The following CACNA2D3 variants were observed in gnomAD, a reference collection of about 807,000 sequenced individuals.
CACNA2D3 encodes voltage-dependent calcium channel subunit alpha-2/delta-3.
CACNA2D3 carries 60 observed loss-of-function variants against 160.6 expected under a neutral mutation model. The ratio of observed to expected loss-of-function variants is 0.37; its 90% CI spans 0.30 to 0.46. CACNA2D3 has a LOEUF of 0.46. CACNA2D3 is among the 20% of genes least tolerant of loss of function. CACNA2D3 has a pLI of 1.00. For missense variants in CACNA2D3, 1,205 were observed against 1,365.0 expected (o/e 0.88, Z 1.85); for synonymous variants, 558 against 492.9 (o/e 1.13, Z -1.75).
At chr3:54,927,267 A>G (rs1416102382) in intron 27 of CACNA2D3, among the ~76,000 whole-genome samples, 1 of 152,178 alleles carries the variant, frequency 6.6e-6, no homozygotes, top group African/African-American at 2.4e-5. Flanking sequence ...ATGTTTAGAG[A>G]GCCTTCTGAA....
intron 35 of CACNA2D3, among the ~76,000 whole-genome samples, chr3:55,072,365 T>G (rs1339095972): frequency 6.6e-6 from 1 of 152,162 alleles, no homozygotes; most frequent in Non-Finnish European, 1.5e-5. Context: ...ACATATGAGG[T>G]GGCAACAGGT....
intron 13 of CACNA2D3, among the ~76,000 whole-genome samples, chr3:54,771,653 C>A (rs1445616519): frequency 1.3e-5 from 2 of 152,242 alleles, no homozygotes; most frequent in Non-Finnish European, 2.9e-5. Context: ...AAAAATACAT[C>A]TCTCTGATGC....
intron 27 of CACNA2D3, chr3:54,924,949 C>T (rs1304045154): frequency 1.2e-6 from 2 of 1,611,420 alleles, no homozygotes. Flanking sequence ...TGGAAAGCTC[C>T]AGGGGCCAGA....
chr3:54,823,558 A>C (rs187485599), intron 14 of CACNA2D3, among the ~76,000 whole-genome samples: 1 of 152,328 alleles, frequency 6.6e-6, no homozygotes, highest in African/African-American at 2.4e-5. Context: ...TATAATGAGG[A>C]AAAGAAGAGC....
chr3:54,633,361 G>C (rs1006406293), intron 10 of CACNA2D3, among the ~76,000 whole-genome samples: 1 of 152,144 alleles, frequency 6.6e-6, no homozygotes, highest in African/African-American at 2.4e-5. Flanking sequence ...CTGTGCCTTA[G>C]TTTCCTACCT....
In CACNA2D3 at chr3:54,736,700, A is replaced by C. The variant is rs182790284; in HGVS notation, c.1168-15899A>C. Among the ~76,000 whole-genome samples, 635 of 152,252 alleles carry C rather than the reference A, an allele frequency of 4.2e-3. 6 individuals carry two copies. Among genetic ancestry groups the C allele is most frequent in the African/African-American group, 0.014 (600 of 41,556 alleles). ...CTTTTGTTTATTTGTTTTTGTTGCC[A>C]TGGGTAGTATTCTGGGATCTGCTGG... On this transcript the variant is annotated intron_variant, in intron 11 of 37. Coordinates refer to ENST00000474759, the MANE Select transcript of CACNA2D3 (RefSeq NM_018398.3).
intron 4 of CACNA2D3, among the ~76,000 whole-genome samples, chr3:54,470,258 G>T (rs1700705798): frequency 6.6e-6 from 1 of 152,214 alleles, no homozygotes; most frequent in Non-Finnish European, 1.5e-5. Context: ...TAAGCCAGAA[G>T]AGAGTGGGGG....
At chr3:54,323,694 C>T (rs1704060981) in intron 3 of CACNA2D3, among the ~76,000 whole-genome samples, 1 of 152,172 alleles carries the variant, frequency 6.6e-6, no homozygotes, top group East Asian at 1.9e-4. Context: ...TCTCGATCTC[C>T]TGACCTCGTG....
At chr3:54,131,923 T>G (rs1018702587) in intron 2 of CACNA2D3, among the ~76,000 whole-genome samples, 2 of 152,212 alleles carry the variant, frequency 1.3e-5, no homozygotes, top group Non-Finnish European at 2.9e-5. Context: ...TTTGTACATG[T>G]GCCATCCATA....
chr3:54,562,220 G>A (rs1702337221), intron 5 of CACNA2D3, among the ~76,000 whole-genome samples: 1 of 152,184 alleles, frequency 6.6e-6, no homozygotes, highest in African/African-American at 2.4e-5. Flanking sequence ...AAAGGGTACA[G>A]CAGAAGACCA....
chr3:54,703,514 A>G lies in CACNA2D3; in HGVS notation c.1168-49085A>G, dbSNP rs1288124527. Among the ~76,000 whole-genome samples the G allele has an allele frequency of 2.0e-5, 3 of 152,140 alleles. No individual in the cohort carries two copies. The East Asian group carries it at 5.8e-4, about 29-fold the overall frequency. On this transcript the variant is annotated intron_variant, in intron 11 of 37. Coordinates refer to ENST00000474759, the MANE Select transcript of CACNA2D3 (RefSeq NM_018398.3). ...TTATTCACATGTTTAGTTTTGGACA[A>G]AAGTATTCCTGAAAGCATCTTGCTC... is the stretch of plus-strand genomic sequence containing the variant.
intron 9 of CACNA2D3, 89 bp downstream of exon 9, chr3:54,581,966 T>C: frequency 1.9e-6 from 2 of 1,079,506 alleles, no homozygotes; most frequent in Non-Finnish European, 2.7e-6. Flanking sequence ...TCTTATCAAA[T>C]GCACTGCCCT....
At chr3:54,470,811 CAAAT>C (rs1700716556) in intron 4 of CACNA2D3, among the ~76,000 whole-genome samples, 1 of 152,076 alleles carries the variant, frequency 6.6e-6, no homozygotes, top group African/African-American at 2.4e-5. Flanking sequence ...TCAAAAAAGA[CAAAT>C]AAGGGCATTA....
At chr3:54,856,855 ACTGC>A (rs1699183598) in intron 17 of CACNA2D3, among the ~76,000 whole-genome samples, 1 of 152,158 alleles carries the variant, frequency 6.6e-6, no homozygotes, top group African/African-American at 2.4e-5. Context: ...ATCTCGGCTC[ACTGC>A]ATTCTCCACC....
intron 4 of CACNA2D3, among the ~76,000 whole-genome samples, chr3:54,464,965 A>G (rs1053424875): frequency 6.6e-6 from 1 of 152,016 alleles, no homozygotes; most frequent in African/African-American, 2.4e-5. Context: ...TCCTTTTTGA[A>G]CTTCCATAAT....
Position 54,569,860 on chromosome 3 carries a change from G to A in CACNA2D3, c.737+5G>A. ...CGACTGCAGGAACCGAAAATGGTAG[G>A]CAGTGGTCAGACCTCTTTGTTATTT... On this transcript the variant is annotated splice_donor_5th_base_variant and intron_variant, in intron 7 of 37. Transcript: ENST00000474759. 6.2e-7 allele frequency: 1 copy of A among 1,610,126 alleles called. No homozygotes were observed. The highest frequency in any genetic ancestry group is 8.5e-7 in the Non-Finnish European group (1 of 1,177,870).
At chr3:54,355,857 C>T (rs966401709) in intron 3 of CACNA2D3, among the ~76,000 whole-genome samples, 2 of 152,100 alleles carry the variant, frequency 1.3e-5, no homozygotes, top group African/African-American at 2.4e-5. Context: ...AGCATAAACT[C>T]GAGTTAGTCT....
intron 2 of CACNA2D3, among the ~76,000 whole-genome samples, chr3:54,155,817 G>A (rs1271806433): frequency 6.6e-6 from 1 of 152,220 alleles, no homozygotes; most frequent in Non-Finnish European, 1.5e-5. Flanking sequence ...TCATTCAGGA[G>A]CAGGGCAACT....
At position 54,141,824 on chromosome 3, in the gene CACNA2D3, C is replaced by T. The variant is rs541503929; in HGVS notation, c.204+18230C>T. ...CCTGAATTTGATAATTTTATCCATT[C>T]ATTTATTCATTCGTTTATTCAACAA... is the stretch of plus-strand genomic sequence containing the variant. On this transcript the variant is annotated intron_variant, in intron 2 of 37. Transcript: ENST00000474759. Among the ~76,000 whole-genome samples the T allele has an allele frequency of 3.7e-4, 57 of 152,330 alleles. No homozygotes were observed. The South Asian group carries it at 0.012, about 32-fold the overall frequency.
Sources: gnomAD v4.1 joint callset for allele counts (sites outside exome capture counted in the v4.1 genomes callset) on GRCh38, gnomAD v4.1.1 for gene constraint, MANE v1.5 for transcripts, NCBI Gene and HGNC (gene_info 2026-07-23, HGNC 2026-07-21) for gene names.